Variants in ZBBX observed in about 807,000 individuals in gnomAD.
The protein encoded by ZBBX is zinc finger B-box domain-containing protein 1.
ZBBX carries 101 observed loss-of-function variants against 108.5 expected under a neutral mutation model. The ratio of observed to expected loss-of-function variants is 0.93; its 90% CI spans 0.79 to 1.10. The LOEUF is 1.10. Ranked by LOEUF, ZBBX falls within the 50% of genes least tolerant of loss-of-function variation. ZBBX has a pLI of 0.00. For missense variants in ZBBX, 1,009 were observed against 941.4 expected (o/e 1.07, Z -0.94); for synonymous variants, 356 against 323.4 (o/e 1.10, Z -1.08).
intron 20 of ZBBX, among the ~76,000 whole-genome samples, chr3:167,251,283 C>A (rs1722549694): frequency 6.6e-6 from 1 of 152,198 alleles, no homozygotes; most frequent in Non-Finnish European, 1.5e-5. Flanking sequence ...AGGCAAGAAC[C>A]TGGGATACAG....
At chr3:167,259,105 A>G (rs1489507360) in intron 20 of ZBBX, among the ~76,000 whole-genome samples, 3 of 73,014 alleles carry the variant, frequency 4.1e-5, no homozygotes, top group Non-Finnish European at 9.6e-5. Context: ...CTGGTCATGG[A>G]CCCTTTTTTT....
intron 20 of ZBBX, among the ~76,000 whole-genome samples, chr3:167,246,875 G>C (rs1324730571): frequency 3.3e-5 from 5 of 152,164 alleles, no homozygotes; most frequent in African/African-American, 1.2e-4. Flanking sequence ...ATGAACTACA[G>C]CTAACTATAA....
the ZBBX span, among the ~76,000 whole-genome samples, chr3:167,207,623 G>C: frequency 6.6e-6 from 1 of 152,304 alleles, no homozygotes; most frequent in East Asian, 1.9e-4. Context: ...GGAACTGGAA[G>C]TCATTGTTAA....
In ZBBX at chr3:167,252,545, G is replaced by A. The variant is rs1021833483; in HGVS notation, c.2255-9902C>T. ...ATCTTCTTCCTTTCTCAGAGTGACC[G>A]TATTCATGAACAGTGCACTCATACA... On this transcript the variant is annotated intron_variant, in intron 20 of 21. Transcript: ENST00000675490. Among the ~76,000 whole-genome samples the A allele has an allele frequency of 2.7e-5, 4 of 149,854 alleles. No homozygotes were observed. In the Admixed American group the frequency reaches 2.7e-4, roughly 10 times the overall value.
the ZBBX span, among the ~76,000 whole-genome samples, chr3:167,185,669 A>AGC: frequency 6.6e-6 from 1 of 152,102 alleles, no homozygotes; most frequent in Non-Finnish European, 1.5e-5. Context: ...AGCATTCTTT[A>AGC]ATATCATTCA....
chr3:167,306,047 T>C, intron 16 of ZBBX, 97 bp from the exon 17 acceptor site: 1 of 976,598 alleles, frequency 1.0e-6, no homozygotes, highest in Non-Finnish European at 1.4e-6. Context: ...AAAAACTTTC[T>C]CAATAAACAC....
At chr3:167,366,480 T>C (rs1745331377) in intron 5 of ZBBX, among the ~76,000 whole-genome samples, 1 of 151,868 alleles carries the variant, frequency 6.6e-6, no homozygotes, top group Admixed American at 6.6e-5. Context: ...TTTAAAGCAC[T>C]TGAGCTTTGT....
downstream of ZBBX, among the ~76,000 whole-genome samples, chr3:167,236,025 G>A (rs1043577433): frequency 9.2e-5 from 14 of 151,592 alleles, no homozygotes; most frequent in Admixed American, 2.0e-4. Context: ...CTATAATAAC[G>A]TATTTTAGGA....
Position 167,399,890 on chromosome 3 carries a change from A to G in ZBBX, c.-446+7836T>C, listed in dbSNP as rs559750111. On this transcript the variant is annotated intron_variant, in intron 1 of 21. Coordinates refer to the ZBBX transcript ENST00000455345. ...CCTTTCTCCTCTAGTAGTCCTCAGC[A>G]TCTACTGTTCCTGTGTGTCCATGTG... 7.2e-5 allele frequency among the ~76,000 whole-genome samples: 11 copies of G among 152,128 alleles called. No homozygotes were observed. The South Asian group carries it at 2.3e-3, about 32-fold the overall frequency.
At chr3:167,192,523 T>C in the ZBBX span, among the ~76,000 whole-genome samples, 1 of 152,214 alleles carries the variant, frequency 6.6e-6, no homozygotes, top group Non-Finnish European at 1.5e-5. Context: ...TGTTATTTGC[T>C]TGTTTGCTCT....
intron 1 of ZBBX, among the ~76,000 whole-genome samples, chr3:167,402,474 C>CA (rs1205845551): frequency 6.6e-6 from 1 of 151,980 alleles, no homozygotes; most frequent in Non-Finnish European, 1.5e-5. Flanking sequence ...AATTTCTTGG[C>CA]AAAAAGAAAA....
At chr3:167,194,361 GT>G in the ZBBX span, among the ~76,000 whole-genome samples, 1 of 151,990 alleles carries the variant, frequency 6.6e-6, no homozygotes, top group Non-Finnish European at 1.5e-5. Flanking sequence ...CCTATGCAAG[GT>G]TAGAAGGGAA....
chr3:167,221,726 G>C, the ZBBX span, among the ~76,000 whole-genome samples: 2 of 151,398 alleles, frequency 1.3e-5, no homozygotes, highest in African/African-American at 4.8e-5. Context: ...AAAGTAAAAA[G>C]CCAACCTAAA....
At chr3:167,334,727 AATAG>A (rs1739272767) in intron 9 of ZBBX, among the ~76,000 whole-genome samples, 1 of 152,108 alleles carries the variant, frequency 6.6e-6, no homozygotes, top group Admixed American at 6.6e-5. Context: ...CACACCCCCA[AATAG>A]ATAGATGCGA....
chr3:167,287,599 G>A (rs1033710114), intron 19 of ZBBX, among the ~76,000 whole-genome samples: 4 of 152,072 alleles, frequency 2.6e-5, no homozygotes, highest in Admixed American at 2.6e-4. Flanking sequence ...TGACTGATCT[G>A]TCCAAATTGA....
intron 20 of ZBBX, among the ~76,000 whole-genome samples, chr3:167,260,928 G>A (rs1576801958): frequency 6.6e-6 from 1 of 152,288 alleles, no homozygotes; most frequent in East Asian, 1.9e-4. Flanking sequence ...TACCAGGGAA[G>A]GTTTTCTGGT....
the ZBBX span, among the ~76,000 whole-genome samples, chr3:167,209,206 C>G: frequency 6.6e-6 from 1 of 152,174 alleles, no homozygotes; most frequent in Admixed American, 6.5e-5. Flanking sequence ...ACATTGCCAC[C>G]TGGTGACTGT....
intron 16 of ZBBX, among the ~76,000 whole-genome samples, chr3:167,310,015 A>T (rs1221244860): frequency 1.3e-5 from 2 of 152,152 alleles, no homozygotes; most frequent in African/African-American, 2.4e-5. Context: ...GCCAGGTCAC[A>T]TCTTGAATGC....
At position 167,240,127 on chromosome 3, in the gene ZBBX, G is replaced by C. The variant is rs1040323007; in HGVS notation, c.*666C>G. ...GATTATAGAAACTACAATTCAAGATGAGATCTGGGTGGGGACAGAGCCAAC... is the reference window on the plus strand; with the variant it reads ...GATTATAGAAACTACAATTCAAGATCAGATCTGGGTGGGGACAGAGCCAAC... On this transcript the variant is annotated 3_prime_UTR_variant, in exon 22 of 22. Transcript: ENST00000675490. Among the ~76,000 whole-genome samples, 1 of 152,082 alleles carries C rather than the reference G, an allele frequency of 6.6e-6. No homozygotes were observed.
Sources: allele counts gnomAD v4.1 joint callset (sites outside exome capture counted in the v4.1 genomes callset), GRCh38; gene constraint gnomAD v4.1.1; transcripts MANE v1.5; gene names NCBI Gene and HGNC (gene_info 2026-07-23, HGNC 2026-07-21).